The following PPIP5K2 variants were observed in gnomAD, a reference collection of about 807,000 sequenced individuals.
The protein encoded by PPIP5K2 is diphosphoinositol pentakisphosphate kinase 2.
PPIP5K2 carries 105 observed loss-of-function variants against 154.6 expected under a neutral mutation model. The observed-to-expected ratio is 0.68, with a 90% CI of 0.58 to 0.80. The LOEUF (loss-of-function observed/expected upper bound fraction) is 0.80, where lower values mean the gene tolerates loss of function less well. PPIP5K2 is among the 30% of genes least tolerant of loss of function. The probability of loss-of-function intolerance (pLI) is 0.00; values close to 1 mark genes in which losing one functional copy is unlikely to be tolerated. For missense variants in PPIP5K2, 992 were observed against 1,504.6 expected (o/e 0.66, Z 5.64); for synonymous variants, 480 against 490.3 (o/e 0.98, Z 0.28).
Position 103,133,450 on chromosome 5 carries a change from T to A in PPIP5K2, c.115-3T>A, listed in dbSNP as rs782056010. On this transcript the variant is annotated splice_region_variant and splice_polypyrimidine_tract_variant and intron_variant, in intron 2 of 30. Coordinates refer to ENST00000358359, the MANE Select transcript of PPIP5K2 (RefSeq NM_001276277.3). Reference sequence around the variant, plus strand: ...CCGATTTTTTGTTTCATTTTTGTTTTAGCCACCAGAAAGGCAGATTGTGGT... The same window carrying A: ...CCGATTTTTTGTTTCATTTTTGTTTAAGCCACCAGAAAGGCAGATTGTGGT... 2 of 1,598,656 alleles carry A rather than the reference T, an allele frequency of 1.3e-6. No homozygotes were observed. The highest frequency in any genetic ancestry group is 1.7e-6 in the Non-Finnish European group (2 of 1,176,450).
At chr5:103,181,987 A>G (rs782613812) in intron 24 of PPIP5K2, among the ~76,000 whole-genome samples, 1 of 152,220 alleles carries the variant, frequency 6.6e-6, no homozygotes, top group Non-Finnish European at 1.5e-5. Context: ...TTTAACAATT[A>G]TAGAACTTGG....
intron 23 of PPIP5K2, among the ~76,000 whole-genome samples, chr5:103,178,299 G>C (rs1041605475): frequency 6.6e-6 from 1 of 151,628 alleles, no homozygotes; most frequent in Non-Finnish European, 1.5e-5. Context: ...TGTTGTCTTC[G>C]CTCTATGAAT....
chr5:103,186,418 A>G lies in PPIP5K2; in HGVS notation c.3268A>G (p.Thr1090Ala), dbSNP rs1800392128. Residue 1090 changes from threonine (T) to alanine (A), a missense_variant, in exon 27 of 31, where the codon ACC (threonine) becomes GCC (alanine). By Grantham distance (58) the Thr-to-Ala change is moderately conservative. Transcript: ENST00000358359. ...TGCTCGTACTCATCGTAAAAAGCTG[A>G]CCTCTTCTGGCTGCATAGATGGTAT... Reference protein sequence around the residue: ...DYARTHRKKLTSSGCIDDATR... With the variant: ...DYARTHRKKLASSGCIDDATR... 1 of 1,613,698 alleles carries G rather than the reference A, an allele frequency of 6.2e-7. No homozygotes were observed. Among genetic ancestry groups the G allele is most frequent in the African/African-American group, 1.3e-5 (1 of 74,866 alleles).
intron 17 of PPIP5K2, among the ~76,000 whole-genome samples, chr5:103,165,399 C>G (rs572919850): frequency 6.6e-6 from 1 of 152,124 alleles, no homozygotes; most frequent in Admixed American, 6.6e-5. Flanking sequence ...ATAATGTGAA[C>G]AATGAACATA....
chr5:103,174,471 A>C lies in PPIP5K2; in HGVS notation c.2529+499A>C, dbSNP rs1465111177. 3.3e-5 allele frequency among the ~76,000 whole-genome samples: 5 copies of C among 152,184 alleles called. No homozygotes were observed. The East Asian group carries it at 5.8e-4, about 18-fold the overall frequency. Reference sequence around the variant, plus strand: ...TAGAGTCTCATGAGGTTGTAGTCAGACAGTGGCTGGGTCTCAAATAATCTC... The same window carrying C: ...TAGAGTCTCATGAGGTTGTAGTCAGCCAGTGGCTGGGTCTCAAATAATCTC... On this transcript the variant is annotated intron_variant, in intron 21 of 30. Coordinates refer to ENST00000358359, the MANE Select transcript of PPIP5K2 (RefSeq NM_001276277.3).
intron 27 of PPIP5K2, 90 bp from the exon 28 acceptor site, chr5:103,187,224 C>T: frequency 1.2e-4 from 104 of 895,720 alleles, no homozygotes; most frequent in South Asian, 2.2e-4. Flanking sequence ...CCTTTCTAAC[C>T]TCCTCATATA....
chr5:103,183,265 A>G lies in PPIP5K2; in HGVS notation c.2954A>G (p.Glu985Gly), dbSNP rs1799854717. The G allele has an allele frequency of 2.2e-6, 3 of 1,365,632 alleles. No individual in the cohort carries two copies. The highest frequency in any genetic ancestry group is 2.9e-6 in the Non-Finnish European group (3 of 1,047,166). 84.6% of individuals were successfully genotyped at this position (1,365,632 alleles called of 1,614,324 possible). A position where few individuals can be genotyped will look rare whatever the true frequency, so the allele number is the denominator to read the frequency against. ...EESPLSVSSP[E>G]GTGTWLHYTS... ...AGCCCCCTGAGTGTGTCTAGCCCAG[A>G]GGGTACTGGTACCTGGCTGCATTAT... Residue 985 changes from glutamate to glycine, a missense_variant, in exon 25 of 31, where the codon GAG (glutamate) becomes GGG (glycine). This residue lies in a region of PPIP5K2 where 204 missense variants were observed against 224.0 expected (regional missense o/e 0.91). Coordinates refer to ENST00000358359, the MANE Select transcript of PPIP5K2 (RefSeq NM_001276277.3).
chr5:103,155,665 A>G (rs1407975415), intron 13 of PPIP5K2, among the ~76,000 whole-genome samples: 1 of 151,784 alleles, frequency 6.6e-6, no homozygotes, highest in Non-Finnish European at 1.5e-5. Context: ...ACCTCAAGTC[A>G]TCCACTCACC....
chr5:103,141,388 G>T (rs776333918), intron 5 of PPIP5K2, among the ~76,000 whole-genome samples: 1 of 151,870 alleles, frequency 6.6e-6, no homozygotes, highest in Non-Finnish European at 1.5e-5. Flanking sequence ...AAGGTAGCGC[G>T]TCTGGAGTTG....
At chr5:103,179,531 A>G (rs1301097658) in intron 23 of PPIP5K2, among the ~76,000 whole-genome samples, 2 of 152,208 alleles carry the variant, frequency 1.3e-5, no homozygotes, top group East Asian at 1.9e-4. Flanking sequence ...TAAATGCTTA[A>G]TGAGTCACTG....
chr5:103,153,732 A>C, intron 10 of PPIP5K2, 116 bp from the exon 11 acceptor site: 1 of 633,976 alleles, frequency 1.6e-6, no homozygotes, highest in African/African-American at 1.9e-5. Context: ...CATGGGAAAG[A>C]TCTTGAAGTG....
chr5:103,187,904 C>A (rs1800649999), intron 28 of PPIP5K2, among the ~76,000 whole-genome samples: 2 of 152,214 alleles, frequency 1.3e-5, no homozygotes, highest in South Asian at 4.1e-4. Flanking sequence ...TTTTCTAAAG[C>A]AAAACCCTGT....
In PPIP5K2 at chr5:103,190,941, C is replaced by T. The variant is rs782560305; in HGVS notation, c.3452C>T (p.Ala1151Val). 4.3e-6 allele frequency: 7 copies of T among 1,610,382 alleles called. No homozygotes were observed. The Admixed American group carries it at 8.4e-5, about 19-fold the overall frequency. The part of the protein sequence containing the change: ...KQVDEFLASI[A>V]SPSSDVPRKT... ...GTGGATGAATTTCTTGCTTCCATTG[C>T]TTCTCCATCATCTGACGTTCCACGG... The change falls in exon 29 of 31, where the codon GCT (alanine) becomes GTT (valine). Residue 1151 changes from alanine (A) to valine (V), a missense_variant. Ala to Val is a moderately conservative substitution (Grantham distance 64, BLOSUM62 0). Coordinates refer to ENST00000358359, the MANE Select transcript of PPIP5K2 (RefSeq NM_001276277.3).
At chr5:103,133,721 T>C in intron 3 of PPIP5K2, 73 bp downstream of exon 3, 1 of 1,242,862 alleles carries the variant, frequency 8.0e-7, no homozygotes, top group African/African-American at 1.6e-5. Flanking sequence ...AATTGTAGAC[T>C]ATGAGATAAA....
At chr5:103,141,024 A>G (rs1792523058) in intron 5 of PPIP5K2, among the ~76,000 whole-genome samples, 1 of 152,098 alleles carries the variant, frequency 6.6e-6, no homozygotes, top group Admixed American at 6.5e-5. Flanking sequence ...TCTGATAGAA[A>G]AAGACGTTAA....
rs1554230505 is a variant in PPIP5K2, at chr5:103,201,641, A to G, written c.*7A>G. ...CACTGGGAAAAAGAAATGAAATCTT[A>G]GCAGAAGCTGGAACTTTTTATACTT... On this transcript the variant is annotated 3_prime_UTR_variant, in exon 31 of 31. Transcript: ENST00000358359. 2 of 1,562,012 alleles carry G rather than the reference A, an allele frequency of 1.3e-6. No homozygotes were observed. Among genetic ancestry groups the G allele is most frequent in the Admixed American group, 3.5e-5 (2 of 56,670 alleles).
intron 27 of PPIP5K2, 37 bp from the exon 28 acceptor site, chr5:103,187,277 G>C (rs1554225465): frequency 1.3e-6 from 2 of 1,481,588 alleles, no homozygotes; most frequent in South Asian, 1.2e-5. Flanking sequence ...TTTTGTAGCT[G>C]TTACGAATTT....
rs1554232479 is a variant in PPIP5K2 at position 103,209,759 on chromosome 5, A to G, written c.*8125A>G. On this transcript the variant is annotated 3_prime_UTR_variant, in exon 31 of 31. Coordinates refer to ENST00000358359, the MANE Select transcript of PPIP5K2 (RefSeq NM_001276277.3). ...TAAAGGTGGGTGGGTGGATGGATGG[A>G]TGGATGAATGAAGGAAAAATTAGGA... 1 of 152,148 alleles carries G rather than the reference A, an allele frequency of 6.6e-6. No individual in the cohort carries two copies. The highest frequency in any genetic ancestry group is 6.6e-5 in the Admixed American group (1 of 15,260). 9.4% of individuals were successfully genotyped at this position (152,148 alleles called of 1,614,324 possible).
chr5:103,175,724 G>T (rs58644515), intron 21 of PPIP5K2, among the ~76,000 whole-genome samples: 6,405 of 152,074 alleles, frequency 0.042, 439 homozygotes, highest in African/African-American at 0.15. Context: ...GAGGAAACCA[G>T]TTAGGAAATT....
Sources: allele counts gnomAD v4.1 joint callset (sites outside exome capture counted in the v4.1 genomes callset), GRCh38; gene constraint gnomAD v4.1.1; regional missense constraint gnomAD v4.1.1; transcripts MANE v1.5; gene names NCBI Gene and HGNC (gene_info 2026-07-23, HGNC 2026-07-21).